The following TDRD1 variants were observed in gnomAD, a reference collection of about 807,000 sequenced individuals.
The protein encoded by TDRD1 is tudor domain-containing protein 1.
TDRD1 carries 37 observed loss-of-function variants against 140.6 expected under a neutral mutation model. The observed-to-expected ratio is 0.26, with a 90% CI of 0.20 to 0.35. The LOEUF (loss-of-function observed/expected upper bound fraction) is 0.35. Among genes scored for constraint, TDRD1 ranks in the 10% least tolerant of loss-of-function variants. The pLI is 1.00. For missense variants in TDRD1, 1,243 were observed against 1,393.0 expected (o/e 0.89, Z 1.71); for synonymous variants, 506 against 475.7 (o/e 1.06, Z -0.83).
chr10:114,199,357 C>T, intron 4 of TDRD1, 40 bp downstream of exon 4: 2 of 1,559,152 alleles, frequency 1.3e-6, no homozygotes, highest in Non-Finnish European at 1.7e-6. Flanking sequence ...TCTTCTTCCA[C>T]ATATTTGAAA....
At chr10:114,199,298 C>T in exon 4 of TDRD1, 1 of 1,611,246 alleles carries the variant, frequency 6.2e-7, no homozygotes, top group East Asian at 2.2e-5. Flanking sequence ...CCACAACTTG[C>T]CATCGCTGTG....
intron 18 of TDRD1, among the ~76,000 whole-genome samples, chr10:114,219,379 T>C (rs1173835290): frequency 6.6e-6 from 1 of 152,080 alleles, no homozygotes; most frequent in Non-Finnish European, 1.5e-5. Context: ...ATACCTATAG[T>C]AGCGGTTATT....
intron 16 of TDRD1, among the ~76,000 whole-genome samples, chr10:114,215,791 T>G (rs1479325683): frequency 6.6e-6 from 1 of 152,156 alleles, no homozygotes; most frequent in Non-Finnish European, 1.5e-5. Context: ...ATTCTAAAGA[T>G]GAAGAAGGAA....
intron 13 of TDRD1, 48 bp downstream of exon 13, chr10:114,211,015 T>G: frequency 4.9e-6 from 7 of 1,442,540 alleles, no homozygotes; most frequent in Non-Finnish European, 6.6e-6. Flanking sequence ...TTATTTATTT[T>G]TTACTTAGAA....
chr10:114,203,957 A>G, intron 8 of TDRD1, 116 bp from the exon 9 acceptor site: 3 of 1,209,188 alleles, frequency 2.5e-6, no homozygotes, highest in Non-Finnish European at 3.5e-6. Context: ...TTATTAATTG[A>G]GTGCCTCAGA....
rs777908853 is a variant in TDRD1 at position 114,213,597 on chromosome 10, A to C, written c.2074+9A>C. ...CGTGAAAGAAACCAGTGGTAAGTCA[A>C]ATGTTTACTGGATAATGCCTGTTCT... On this transcript the variant is annotated intron_variant, in intron 15 of 25. Transcript: ENST00000251864. 6.2e-7 allele frequency: 1 copy of C among 1,612,398 alleles called. No individual in the cohort carries two copies. The highest frequency in any genetic ancestry group is 8.5e-7 in the Non-Finnish European group (1 of 1,178,668).
At chr10:114,225,747 C>T (rs921986010) in intron 21 of TDRD1, among the ~76,000 whole-genome samples, 6 of 151,712 alleles carry the variant, frequency 4.0e-5, no homozygotes, top group Non-Finnish European at 5.9e-5. Context: ...TTCCCAGCTA[C>T]TCAAGAAGCT....
chr10:114,192,292 C>CTTTTTTTTTTTTTTT lies in TDRD1; in HGVS notation c.384+1288_384+1302dup, dbSNP rs938140798. On this transcript the variant is annotated intron_variant, in intron 3 of 25. Coordinates refer to ENST00000251864, the Ensembl canonical transcript of TDRD1. ...TCCCCAAAAAAGTTTGATAGTTTTC[C>CTTTTTTTTTTTTTTT]TTTTTTTTTTTTTTTTTTTTTTTTT... 1.2e-4 allele frequency among the ~76,000 whole-genome samples: 9 copies of CTTTTTTTTTTTTTTT among 75,116 alleles called. 1 individual carries two copies. The highest frequency in any genetic ancestry group is 8.3e-3 in the Middle Eastern group (1 of 120). 49.3% of individuals were successfully genotyped at this position (75,116 alleles called of 152,430 possible).
At chr10:114,205,387 C>G (rs947294894) in intron 10 of TDRD1, among the ~76,000 whole-genome samples, 1 of 152,174 alleles carries the variant, frequency 6.6e-6, no homozygotes, top group African/African-American at 2.4e-5. Flanking sequence ...GGTATCACCC[C>G]TCTGCTTTCA....
At chr10:114,210,931 C>G in exon 13 of TDRD1, 1 of 1,614,076 alleles carries the variant, frequency 6.2e-7, no homozygotes, top group Non-Finnish European at 8.5e-7. Context: ...TGATTTTTAT[C>G]CAGCCATTGG....
intron 2 of TDRD1, among the ~76,000 whole-genome samples, chr10:114,190,077 C>T (rs1365387172): frequency 2.0e-5 from 3 of 151,994 alleles, no homozygotes; most frequent in East Asian, 1.9e-4. Context: ...TACCTGTCTC[C>T]GGGAGGCCAA....
chr10:114,195,715 A>G (rs982537515), intron 3 of TDRD1, among the ~76,000 whole-genome samples: 1 of 152,186 alleles, frequency 6.6e-6, no homozygotes, highest in Non-Finnish European at 1.5e-5. Context: ...CCATATATTT[A>G]GGTAATGTTT....
At chr10:114,217,464 C>T (rs753989897) in intron 16 of TDRD1, 81 bp from the exon 17 acceptor site, 18 of 707,544 alleles carry the variant, frequency 2.5e-5, no homozygotes, top group Middle Eastern at 7.8e-4. Context: ...ATAAAAATCA[C>T]GTTTTCTGAC....
intron 2 of TDRD1, among the ~76,000 whole-genome samples, chr10:114,189,870 T>C (rs1404296625): frequency 6.6e-6 from 1 of 152,264 alleles, no homozygotes; most frequent in Non-Finnish European, 1.5e-5. Context: ...ATTGCAGTCA[T>C]GCATGCGCAG....
At position 114,190,857 on chromosome 10, in the gene TDRD1, G is replaced by C; in HGVS notation, c.326-104G>C. On this transcript the variant is annotated intron_variant, in intron 2 of 25. Transcript: ENST00000251864. ...CTGGTGTAGCTATAAGGTCATTGTG[G>C]TATAGCCCTGTTACTTGAATATCAC... 2.8e-6 allele frequency: 3 copies of C among 1,073,706 alleles called. No homozygotes were observed. The South Asian group carries it at 4.0e-5, about 14-fold the overall frequency. The allele number at this position is 1,073,706 out of a possible 1,614,324, so 66.5% of individuals were successfully genotyped here.
upstream of TDRD1, among the ~76,000 whole-genome samples, chr10:114,175,847 A>G (rs1002255661): frequency 2.0e-5 from 3 of 152,146 alleles, no homozygotes; most frequent in Admixed American, 1.3e-4. Context: ...TATTTTTTTT[A>G]ATGTCATTGA....
upstream of TDRD1, among the ~76,000 whole-genome samples, chr10:114,177,757 A>C (rs936771990): frequency 6.6e-6 from 1 of 152,040 alleles, no homozygotes; most frequent in Non-Finnish European, 1.5e-5. Context: ...ATGCTAACAG[A>C]CCATGCTAAT....
chr10:114,195,302 T>A (rs1398535319), intron 3 of TDRD1, among the ~76,000 whole-genome samples: 1 of 152,192 alleles, frequency 6.6e-6, no homozygotes, highest in Non-Finnish European at 1.5e-5. Flanking sequence ...TTAAAAAGAA[T>A]GTGCCTCGTC....
intron 11 of TDRD1, 48 bp downstream of exon 11, chr10:114,206,378 GAC>G: frequency 6.7e-7 from 1 of 1,487,504 alleles, no homozygotes; most frequent in Non-Finnish European, 9.3e-7. Flanking sequence ...AGTTATTGAA[GAC>G]CATCTACCTA....
Sources: allele counts gnomAD v4.1 joint callset (sites outside exome capture counted in the v4.1 genomes callset), GRCh38; gene constraint gnomAD v4.1.1; transcripts MANE v1.5; gene names NCBI Gene and HGNC (gene_info 2026-07-23, HGNC 2026-07-21).